Variants in SLC12A8 observed in about 807,000 individuals in gnomAD.
The protein encoded by SLC12A8 is solute carrier family 12 member 8, also known as cation-chloride cotransporter 9.
SLC12A8 carries 69 observed loss-of-function variants against 75.6 expected under a neutral mutation model. That is an observed-to-expected ratio of 0.91 (90% CI 0.75 to 1.11). The LOEUF is 1.11. Ranked by LOEUF, SLC12A8 falls within the 50% of genes most tolerant of loss-of-function variation. SLC12A8 has a pLI of 0.00. For synonymous variants in SLC12A8, 365 were observed against 372.8 expected (o/e 0.98, Z 0.24); for missense variants, 877 against 896.7 (o/e 0.98, Z 0.28).
At chr3:125,119,768 T>C (rs1406676970) in intron 7 of SLC12A8, 1 of 435,516 alleles carries the variant, frequency 2.3e-6, no homozygotes, top group Non-Finnish European at 4.6e-6. Flanking sequence ...ACAGATACAT[T>C]AATATTTTCT....
chr3:125,177,769 AC>A lies in SLC12A8; in HGVS notation c.595del (p.Val199TrpfsTer102), dbSNP rs766327686. Reference protein sequence around the residue: ...LLAVSTLDFVVGSFTHLDPEH... With the variant: ...LLAVSTLDFVXGSFTHLDPEH... The stretch of plus-strand genomic sequence containing the variant: ...TGGGTCCAGGTGGGTGAAAGAACCC[AC>A]CACAAAGTCCAGTGTGGACACGGCC... On this transcript the variant is annotated frameshift_variant, in exon 5 of 14. Coordinates refer to ENST00000469902, the MANE Select transcript of SLC12A8 (RefSeq NM_024628.6). LOFTEE classifies it high-confidence loss of function. 3 of 1,614,138 alleles carry A rather than the reference AC, an allele frequency of 1.9e-6. No individual in the cohort carries two copies. In the East Asian group the frequency reaches 6.7e-5, roughly 36 times the overall value.
At chr3:125,185,381 C>G (rs1579532396) in intron 4 of SLC12A8, among the ~76,000 whole-genome samples, 1 of 147,856 alleles carries the variant, frequency 6.8e-6, no homozygotes, top group Non-Finnish European at 1.5e-5. Flanking sequence ...AAGAAATGGA[C>G]AAATTCCTAG....
intron 7 of SLC12A8, chr3:125,119,900 C>T (rs1206541111): frequency 2.2e-6 from 1 of 456,672 alleles, no homozygotes; most frequent in South Asian, 1.5e-5. Flanking sequence ...TCCTGTGGTA[C>T]AGAGAGAAAC....
intron 1 of SLC12A8, 21 bp from the exon 2 acceptor site, chr3:125,211,415 T>C: frequency 1.5e-6 from 2 of 1,341,540 alleles, no homozygotes; most frequent in East Asian, 2.3e-5. Context: ...ACAGCATCCT[T>C]GGTCAGGCTG....
intron 5 of SLC12A8, among the ~76,000 whole-genome samples, chr3:125,171,001 G>A (rs1934396991): frequency 6.6e-6 from 1 of 152,184 alleles, no homozygotes; most frequent in African/African-American, 2.4e-5. Context: ...AAAATGGAGT[G>A]AAGGGAAGAA....
chr3:125,111,628 G>A (rs1939190253), intron 8 of SLC12A8, among the ~76,000 whole-genome samples: 2 of 152,146 alleles, frequency 1.3e-5, no homozygotes, highest in South Asian at 2.1e-4. Flanking sequence ...TCTTGATGAA[G>A]GCTCTCCTCA....
intron 5 of SLC12A8, among the ~76,000 whole-genome samples, chr3:125,146,699 C>T (rs1933783031): frequency 1.3e-5 from 2 of 152,244 alleles, no homozygotes; most frequent in African/African-American, 4.8e-5. Context: ...AGTGCAGCGG[C>T]ATGATCACGG....
chr3:125,186,130 G>A (rs1163859368), intron 4 of SLC12A8, among the ~76,000 whole-genome samples: 3 of 150,822 alleles, frequency 2.0e-5, no homozygotes, highest in African/African-American at 7.3e-5. Context: ...CAGCCTGGTT[G>A]GCTATAAAAT....
intron 6 of SLC12A8, among the ~76,000 whole-genome samples, chr3:125,131,070 A>G (rs1579492815): frequency 6.6e-6 from 1 of 152,360 alleles, no homozygotes; most frequent in East Asian, 1.9e-4. Context: ...AGAGGAAGAG[A>G]GGCTGGGAAA....
intron 2 of SLC12A8, among the ~76,000 whole-genome samples, chr3:125,199,754 AT>A (rs1484067840): frequency 6.6e-6 from 1 of 152,166 alleles, no homozygotes; most frequent in East Asian, 1.9e-4. Context: ...TCAAAAAAAA[AT>A]AAAATAAAAT....
chr3:125,117,675 C>T (rs78985545), intron 8 of SLC12A8, among the ~76,000 whole-genome samples: 8 of 152,128 alleles, frequency 5.3e-5, no homozygotes, highest in African/African-American at 1.9e-4. Flanking sequence ...CAGAAAAACT[C>T]CCTAACCAAC....
intron 5 of SLC12A8, among the ~76,000 whole-genome samples, chr3:125,161,883 CA>C (rs1358977744): frequency 6.6e-6 from 1 of 152,140 alleles, no homozygotes; most frequent in African/African-American, 2.4e-5. Flanking sequence ...TCCTTGCAAA[CA>C]AAAAAACCCT....
intron 12 of SLC12A8, among the ~76,000 whole-genome samples, chr3:125,090,853 T>C (rs2107731705): frequency 6.6e-6 from 1 of 152,356 alleles, no homozygotes; most frequent in South Asian, 2.1e-4. Flanking sequence ...AGTTGGGTCA[T>C]GCTTTTTCAT....
chr3:125,178,360 T>A (rs1482875375), intron 4 of SLC12A8, among the ~76,000 whole-genome samples: 1 of 152,184 alleles, frequency 6.6e-6, no homozygotes, highest in Non-Finnish European at 1.5e-5. Context: ...CTACAGAGCC[T>A]TAAAAGGACA....
At chr3:125,173,481 AT>A (rs1332396589) in intron 5 of SLC12A8, among the ~76,000 whole-genome samples, 2 of 151,060 alleles carry the variant, frequency 1.3e-5, no homozygotes, top group Admixed American at 6.6e-5. Context: ...AAAAACCAAA[AT>A]AACCTGGACA....
At chr3:125,175,203 AAAG>A (rs1352444974) in intron 5 of SLC12A8, among the ~76,000 whole-genome samples, 3 of 152,256 alleles carry the variant, frequency 2.0e-5, no homozygotes, top group African/African-American at 7.2e-5. Flanking sequence ...ATCTCAACAG[AAAG>A]ATAGTTGCTA....
At chr3:125,192,657 C>G (rs1447385638) in intron 2 of SLC12A8, 1 of 154,358 alleles carries the variant, frequency 6.5e-6, no homozygotes, top group Non-Finnish European at 1.5e-5. Context: ...AGGGTAGAAA[C>G]TTAGAGCAGG....
At position 125,135,659 on chromosome 3, in the gene SLC12A8, A is replaced by G; in HGVS notation, c.736+10T>C. The G allele has an allele frequency of 6.4e-7, 1 of 1,558,726 alleles. No individual in the cohort carries two copies. The highest frequency in any genetic ancestry group is 8.7e-7 in the Non-Finnish European group (1 of 1,150,174). On this transcript the variant is annotated intron_variant, in intron 6 of 13. Coordinates refer to ENST00000469902, the MANE Select transcript of SLC12A8 (RefSeq NM_024628.6). ...AATTTGAGAGTAAAAAAGAACCCAG[A>G]TTACAATACCTGTAGCCGCTGGGAA...
At chr3:125,175,550 A>G (rs928771810) in intron 5 of SLC12A8, among the ~76,000 whole-genome samples, 1 of 152,204 alleles carries the variant, frequency 6.6e-6, no homozygotes, top group Non-Finnish European at 1.5e-5. Context: ...ACATCAGGCT[A>G]GTGTGAGGTT....
Sources: gnomAD v4.1 joint callset for allele counts (sites outside exome capture counted in the v4.1 genomes callset) on GRCh38, gnomAD v4.1.1 for gene constraint, MANE v1.5 for transcripts, NCBI Gene and HGNC (gene_info 2026-07-23, HGNC 2026-07-21) for gene names.